Variants in TENM3 observed in about 807,000 individuals in gnomAD.
TENM3 encodes the protein teneurin-3.
TENM3 carries 63 observed loss-of-function variants against 255.1 expected under a neutral mutation model. The ratio of observed to expected loss-of-function variants is 0.25; its 90% CI spans 0.20 to 0.30. TENM3 has a LOEUF of 0.30. TENM3 is among the 10% of genes least tolerant of loss of function. TENM3 has a pLI of 1.00. For missense variants in TENM3, 2,929 were observed against 3,461.1 expected (o/e 0.85, Z 3.86); for synonymous variants, 1,306 against 1,322.3 (o/e 0.99, Z 0.27).
the TENM3 span, among the ~76,000 whole-genome samples, chr4:181,978,516 G>A: frequency 6.6e-6 from 1 of 151,892 alleles, no homozygotes; most frequent in South Asian, 2.1e-4. Context: ...GCATGGTGGT[G>A]CGCGCCTGTA....
At chr4:182,327,090 G>A (rs1181552440) in intron 2 of TENM3, among the ~76,000 whole-genome samples, 3 of 152,142 alleles carry the variant, frequency 2.0e-5, no homozygotes, top group African/African-American at 7.2e-5. Flanking sequence ...TTTTTCTTGA[G>A]CAAGCATAAT....
At position 182,218,466 on chromosome 4, in the gene TENM3, C is replaced by T. The variant is rs546505772; in HGVS notation, c.-76+73712C>T. ...TCATATATTATTGCATTTAAGCTGC[C>T]TGATGACCCTGGTGAGTAGGGTCAT... On this transcript the variant is annotated intron_variant, in intron 1 of 2. Transcript: ENST00000512480. Among the ~76,000 whole-genome samples, 92 of 152,270 alleles carry T rather than the reference C, an allele frequency of 6.0e-4. 2 individuals carry two copies. In the South Asian group the frequency reaches 9.5e-3, roughly 16 times the overall value.
the TENM3 span, among the ~76,000 whole-genome samples, chr4:181,744,307 T>A: frequency 6.6e-6 from 1 of 152,308 alleles, no homozygotes; most frequent in South Asian, 2.1e-4. Context: ...ATCTTGGTAA[T>A]AGAATGATTT....
intron 22 of TENM3, among the ~76,000 whole-genome samples, chr4:182,766,909 C>G (rs1428530670): frequency 6.6e-6 from 1 of 152,184 alleles, no homozygotes; most frequent in African/African-American, 2.4e-5. Context: ...ATTCTCACCC[C>G]TTTCTCATCA....
At chr4:181,593,459 C>T in the TENM3 span, among the ~76,000 whole-genome samples, 3 of 152,110 alleles carry the variant, frequency 2.0e-5, no homozygotes, top group African/African-American at 4.8e-5. Flanking sequence ...TAAGAGCTGC[C>T]GGTCTAAGGC....
intron 3 of TENM3, among the ~76,000 whole-genome samples, chr4:182,454,221 T>TAC (rs1237509699): frequency 1.3e-5 from 2 of 152,244 alleles, no homozygotes; most frequent in Non-Finnish European, 2.9e-5. Flanking sequence ...TTTTATCATT[T>TAC]ACACATTTTT....
At chr4:181,637,955 C>T in the TENM3 span, among the ~76,000 whole-genome samples, 2 of 152,016 alleles carry the variant, frequency 1.3e-5, no homozygotes, top group African/African-American at 2.4e-5. Context: ...ATATCCTGCC[C>T]AGCTGTAGTT....
intron 1 of TENM3, among the ~76,000 whole-genome samples, chr4:182,206,247 G>A (rs1754568185): frequency 6.6e-6 from 1 of 152,078 alleles, no homozygotes; most frequent in Non-Finnish European, 1.5e-5. Flanking sequence ...TCATGCCCAG[G>A]CTATTGAGGA....
intron 12 of TENM3, among the ~76,000 whole-genome samples, chr4:182,698,565 G>T (rs967958590): frequency 2.0e-5 from 3 of 152,220 alleles, no homozygotes; most frequent in African/African-American, 4.8e-5. Flanking sequence ...CGAGGGCCAT[G>T]TGGATACACG....
chr4:182,694,221 C>T (rs928078861), intron 12 of TENM3, among the ~76,000 whole-genome samples: 14 of 151,898 alleles, frequency 9.2e-5, no homozygotes, highest in Non-Finnish European at 2.9e-5. Context: ...GTGATCCTCC[C>T]ACGTCAGCCT....
At chr4:181,923,427 G>A in the TENM3 span, among the ~76,000 whole-genome samples, 39 of 152,218 alleles carry the variant, frequency 2.6e-4, no homozygotes, top group African/African-American at 9.1e-4. Context: ...TGGCCCTGTT[G>A]CCTAAAAAGT....
chr4:181,556,813 G>T, the TENM3 span, among the ~76,000 whole-genome samples: 1 of 152,078 alleles, frequency 6.6e-6, no homozygotes, highest in Admixed American at 6.6e-5. Flanking sequence ...TCGAAATTTT[G>T]CATTGTCTTC....
intron 1 of TENM3, among the ~76,000 whole-genome samples, chr4:182,314,466 A>G (rs1309911598): frequency 6.6e-6 from 1 of 152,208 alleles, no homozygotes; most frequent in Non-Finnish European, 1.5e-5. Context: ...TTTCATGTCT[A>G]TACATACAGA....
intron 22 of TENM3, among the ~76,000 whole-genome samples, chr4:182,765,716 T>C (rs976229203): frequency 3.3e-5 from 5 of 152,184 alleles, no homozygotes; most frequent in African/African-American, 1.2e-4. Context: ...TACTCCTAAC[T>C]GCATGACTGT....
At chr4:182,156,686 C>A (rs1750728203) in intron 1 of TENM3, among the ~76,000 whole-genome samples, 1 of 151,376 alleles carries the variant, frequency 6.6e-6, no homozygotes, top group Admixed American at 6.6e-5. Flanking sequence ...AGCAAATTTA[C>A]TGAATCTGTA....
At chr4:181,614,795 AC>A in the TENM3 span, among the ~76,000 whole-genome samples, 1 of 152,234 alleles carries the variant, frequency 6.6e-6, no homozygotes, top group East Asian at 1.9e-4. Flanking sequence ...GTAGGAATTA[AC>A]TTTGCAGCCA....
At chr4:182,468,176 C>T (rs375159563) in intron 3 of TENM3, among the ~76,000 whole-genome samples, 167 of 152,190 alleles carry the variant, frequency 1.1e-3, no homozygotes, top group African/African-American at 3.9e-3. Context: ...CGCTTGAGCC[C>T]AGGAGTTTGA....
At chr4:181,659,180 G>A in the TENM3 span, among the ~76,000 whole-genome samples, 1 of 152,148 alleles carries the variant, frequency 6.6e-6, no homozygotes, top group East Asian at 1.9e-4. Context: ...TAGTAATTAA[G>A]AAAATTAATC....
the TENM3 span, among the ~76,000 whole-genome samples, chr4:181,655,701 A>G: frequency 6.6e-6 from 1 of 152,178 alleles, no homozygotes; most frequent in Admixed American, 6.5e-5. Flanking sequence ...TGAAGGGTAT[A>G]ATGGAGTTTC....
Sources: allele counts gnomAD v4.1 joint callset (sites outside exome capture counted in the v4.1 genomes callset), GRCh38; gene constraint gnomAD v4.1.1; transcripts MANE v1.5; gene names NCBI Gene and HGNC (gene_info 2026-07-23, HGNC 2026-07-21).